The following KCNIP4 variants were observed in gnomAD, a reference collection of about 807,000 sequenced individuals.
KCNIP4 encodes the protein Kv channel-interacting protein 4.
A neutral mutation model predicts 34.0 loss-of-function variants in KCNIP4; 12 were observed. The ratio of observed to expected loss-of-function variants is 0.35; its 90% confidence interval spans 0.23 to 0.57. The LOEUF (loss-of-function observed/expected upper bound fraction) is 0.57, where lower values mean the gene tolerates loss of function less well. Ranked by LOEUF, KCNIP4 falls within the 20% of genes least tolerant of loss-of-function variation. KCNIP4 has a pLI of 0.83. For synonymous variants in KCNIP4, 124 were observed against 102.2 expected (o/e 1.21, Z -1.29); for missense variants, 238 against 311.7 (o/e 0.76, Z 1.78).
At chr4:21,220,302 T>C (rs1299775957) in intron 1 of KCNIP4, among the ~76,000 whole-genome samples, 2 of 152,162 alleles carry the variant, frequency 1.3e-5, no homozygotes, top group Admixed American at 6.6e-5. Flanking sequence ...CTGATAATAA[T>C]TGATTAAGGG....
chr4:21,837,155 G>A (rs541927146), intron 1 of KCNIP4, among the ~76,000 whole-genome samples: 82 of 122,236 alleles, frequency 6.7e-4, no homozygotes, highest in African/African-American at 2.5e-3. Flanking sequence ...CTGACCTTGT[G>A]ATCTGCCCGC....
chr4:21,178,519 A>C (rs963395757), intron 1 of KCNIP4, among the ~76,000 whole-genome samples: 5 of 146,712 alleles, frequency 3.4e-5, no homozygotes, highest in African/African-American at 5.5e-5. Context: ...TGTCCAGGAT[A>C]GTTATTTAAG....
At chr4:21,355,852 AAG>A (rs1260064623) in intron 1 of KCNIP4, among the ~76,000 whole-genome samples, 2 of 152,204 alleles carry the variant, frequency 1.3e-5, no homozygotes, top group African/African-American at 2.4e-5. Flanking sequence ...ACAACAAAAA[AAG>A]AGAGTTTTAG....
intron 1 of KCNIP4, among the ~76,000 whole-genome samples, chr4:21,145,741 T>TCACTGAAG (rs1752298548): frequency 6.6e-6 from 1 of 152,164 alleles, no homozygotes; most frequent in Non-Finnish European, 1.5e-5. Context: ...CTGATGAGAA[T>TCACTGAAG]CACTGAAGCA....
At chr4:21,715,350 T>A (rs1260618027) in intron 1 of KCNIP4, among the ~76,000 whole-genome samples, 1 of 152,084 alleles carries the variant, frequency 6.6e-6, no homozygotes, top group East Asian at 1.9e-4. Context: ...CAGGATGGTC[T>A]TGCTCTCCTG....
intron 5 of KCNIP4, among the ~76,000 whole-genome samples, chr4:20,735,260 G>C (rs1360199318): frequency 1.3e-5 from 2 of 152,292 alleles, no homozygotes; most frequent in Non-Finnish European, 2.9e-5. Context: ...TCACCCTCCA[G>C]CTATATTACT....
At position 21,832,820 on chromosome 4, in the gene KCNIP4, T is replaced by G. The variant is rs1396780416; in HGVS notation, c.61+115751A>C. ...GGGTTCTCATTGTTCAATTCCCACC[T>G]ATGAGTGAGAATATGCGGTGTTTGG... On this transcript the variant is annotated intron_variant, in intron 1 of 8. Transcript: ENST00000382152. 3.4e-5 allele frequency among the ~76,000 whole-genome samples: 5 copies of G among 146,718 alleles called. 1 individual carries two copies. Among genetic ancestry groups the G allele is most frequent in the African/African-American group, 1.3e-4 (5 of 39,734 alleles).
At chr4:21,713,535 G>C (rs1485246312) in intron 1 of KCNIP4, among the ~76,000 whole-genome samples, 1 of 152,196 alleles carries the variant, frequency 6.6e-6, no homozygotes, top group African/African-American at 2.4e-5. Context: ...TGCATAGAAA[G>C]TGTAATGATC....
intron 3 of KCNIP4, among the ~76,000 whole-genome samples, chr4:20,801,774 C>A (rs976014781): frequency 1.9e-4 from 29 of 151,880 alleles, no homozygotes; most frequent in African/African-American, 6.3e-4. Context: ...AAGAAAGGAT[C>A]GACAGAGCTA....
chr4:21,799,193 T>A (rs1316982175), intron 1 of KCNIP4, among the ~76,000 whole-genome samples: 2 of 152,146 alleles, frequency 1.3e-5, no homozygotes, highest in Non-Finnish European at 2.9e-5. Flanking sequence ...CCAAGAAGAA[T>A]TTTCTTTAGT....
At chr4:21,458,434 A>G (rs1342019353) in intron 1 of KCNIP4, among the ~76,000 whole-genome samples, 1 of 151,802 alleles carries the variant, frequency 6.6e-6, no homozygotes, top group Non-Finnish European at 1.5e-5. Flanking sequence ...TGCTATTGTG[A>G]ATAATGCTGC....
chr4:20,730,161 C>A, intron 8 of KCNIP4, 32 bp from the exon 9 acceptor site: 1 of 1,587,502 alleles, frequency 6.3e-7, no homozygotes, highest in Non-Finnish European at 8.6e-7. Flanking sequence ...CGATTAAATT[C>A]AGCATATCTG....
chr4:20,931,026 C>T (rs1041161311), intron 1 of KCNIP4, among the ~76,000 whole-genome samples: 2 of 152,042 alleles, frequency 1.3e-5, no homozygotes, highest in South Asian at 4.2e-4. Flanking sequence ...CCCAGCAATT[C>T]CTCTTTTGAG....
At chr4:21,045,763 A>T (rs1742375878) in intron 1 of KCNIP4, among the ~76,000 whole-genome samples, 1 of 152,232 alleles carries the variant, frequency 6.6e-6, no homozygotes, top group African/African-American at 2.4e-5. Flanking sequence ...AAAAATATGA[A>T]TACAGCATTA....
At chr4:21,552,705 AT>A (rs1300999477) in intron 1 of KCNIP4, among the ~76,000 whole-genome samples, 1 of 152,022 alleles carries the variant, frequency 6.6e-6, no homozygotes, top group Non-Finnish European at 1.5e-5. Context: ...AGCAAAGCAT[AT>A]TTTTTTAATA....
intron 1 of KCNIP4, among the ~76,000 whole-genome samples, chr4:21,060,054 A>G (rs948813881): frequency 6.6e-6 from 1 of 152,204 alleles, no homozygotes; most frequent in African/African-American, 2.4e-5. Flanking sequence ...GGAGATTTGT[A>G]TCACATAAAA....
intron 1 of KCNIP4, among the ~76,000 whole-genome samples, chr4:21,269,926 A>C (rs1377618835): frequency 6.6e-6 from 1 of 152,170 alleles, no homozygotes; most frequent in East Asian, 1.9e-4. Context: ...GCTAAAAAGA[A>C]AGACAGTTTG....
intron 1 of KCNIP4, among the ~76,000 whole-genome samples, chr4:21,907,324 A>G (rs950297545): frequency 3.9e-5 from 6 of 152,164 alleles, no homozygotes; most frequent in African/African-American, 1.4e-4. Context: ...TTTCACACAC[A>G]CTAGCTTGGT....
intron 1 of KCNIP4, among the ~76,000 whole-genome samples, chr4:20,935,306 A>T (rs1211952041): frequency 6.6e-6 from 1 of 152,170 alleles, no homozygotes; most frequent in African/African-American, 2.4e-5. Flanking sequence ...AATAGCTCAT[A>T]GGCATTTCAA....
Sources: gnomAD v4.1 joint callset for allele counts (sites outside exome capture counted in the v4.1 genomes callset) on GRCh38, gnomAD v4.1.1 for gene constraint, MANE v1.5 for transcripts, NCBI Gene and HGNC (gene_info 2026-07-23, HGNC 2026-07-21) for gene names.